The following ABI3BP variants were observed in gnomAD, a reference collection of about 807,000 sequenced individuals.
The protein encoded by ABI3BP is ABI family member 3 binding protein.
A neutral mutation model predicts 268.6 loss-of-function variants in ABI3BP; 216 were observed. The ratio of observed to expected loss-of-function variants is 0.80; its 90% CI spans 0.72 to 0.90. The LOEUF (loss-of-function observed/expected upper bound fraction) is 0.90, where lower values mean the gene tolerates loss of function less well. ABI3BP is among the 40% of genes least tolerant of loss of function. ABI3BP has a pLI of 0.00. For missense variants in ABI3BP, 2,090 were observed against 2,182.4 expected, an observed-to-expected ratio of 0.96 and a Z score of 0.84; for synonymous variants, 730 against 730.0, an observed-to-expected ratio of 1.00 and a Z score of 0.00.
chr3:100,927,323 G>A (rs879204821), intron 1 of ABI3BP, among the ~76,000 whole-genome samples: 1 of 152,060 alleles, frequency 6.6e-6, no homozygotes, highest in Non-Finnish European at 1.5e-5. Context: ...AAGGAACCAG[G>A]TTCAAACCCC....
intron 2 of ABI3BP, among the ~76,000 whole-genome samples, chr3:100,922,550 T>TGGTGAC (rs2060577088): frequency 6.6e-6 from 1 of 151,292 alleles, no homozygotes; most frequent in Non-Finnish European, 1.5e-5. Flanking sequence ...GTGATGGTGA[T>TGGTGAC]GGTGATGGCG....
chr3:100,813,590 AT>A (rs1234405747), intron 45 of ABI3BP, 70 bp downstream of exon 45: 2 of 1,184,980 alleles, frequency 1.7e-6, no homozygotes, highest in Non-Finnish European at 1.2e-6. Flanking sequence ...CTTTGGAAAT[AT>A]AACTTAGAGA....
chr3:100,930,126 C>T (rs2063135912), intron 1 of ABI3BP, among the ~76,000 whole-genome samples: 1 of 151,830 alleles, frequency 6.6e-6, no homozygotes, highest in Non-Finnish European at 1.5e-5. Context: ...CTGGTGAGTG[C>T]CTTAAGGTAG....
rs369371719 is a variant in ABI3BP, at chr3:100,765,843, C to T, written c.4848G>A (p.Thr1616=). The T allele has an allele frequency of 2.5e-5, 40 of 1,602,528 alleles. No individual in the cohort carries two copies. The African/African-American group carries it at 3.5e-4, about 14-fold the overall frequency. The change falls in exon 63 of 68, where the codon ACG becomes ACA. Residue 1616 remains threonine, a splice_region_variant and synonymous_variant. Transcript: ENST00000471714. The stretch of plus-strand genomic sequence containing the variant: ...CTGGAATAGCACTGGTGGCTTACCT[C>T]GTGTTTGGTTTCAGATTTTCTACTG... ...FSTVENLKPN[T]SYEFQVKPKN...
intron 57 of ABI3BP, among the ~76,000 whole-genome samples, chr3:100,785,417 C>T (rs2097002897): frequency 6.6e-6 from 1 of 152,130 alleles, no homozygotes; most frequent in Non-Finnish European, 1.5e-5. Flanking sequence ...AAGTCTACAA[C>T]CGGGAGAGGA....
chr3:100,887,035 G>C (rs1183026839), intron 4 of ABI3BP, among the ~76,000 whole-genome samples: 1 of 151,780 alleles, frequency 6.6e-6, no homozygotes, highest in Non-Finnish European at 1.5e-5. Flanking sequence ...TGGTTTAATT[G>C]TCATGAAAAC....
intron 1 of ABI3BP, among the ~76,000 whole-genome samples, chr3:100,959,359 G>A (rs1000737291): frequency 2.0e-5 from 3 of 151,012 alleles, no homozygotes; most frequent in South Asian, 2.1e-4. Flanking sequence ...GCGTGGTAGC[G>A]GGCGCCTGTA....
intron 4 of ABI3BP, among the ~76,000 whole-genome samples, chr3:100,895,230 C>T (rs58186174): frequency 0.011 from 1,739 of 152,108 alleles, 30 homozygotes; most frequent in African/African-American, 0.039. Context: ...TACACTCTTC[C>T]ATTCAAAGCC....
intron 51 of ABI3BP, among the ~76,000 whole-genome samples, chr3:100,796,679 AAGTC>A: frequency 1.3e-5 from 2 of 152,244 alleles, no homozygotes; most frequent in Admixed American, 1.3e-4. Context: ...AACAGAAACG[AAGTC>A]AGTCACAGTT....
chr3:100,852,920 C>T (rs879820444), intron 14 of ABI3BP, among the ~76,000 whole-genome samples: 22 of 152,114 alleles, frequency 1.4e-4, no homozygotes, highest in African/African-American at 4.8e-4. Flanking sequence ...ACTGTGGTCA[C>T]GAGGGATATA....
At chr3:100,808,085 C>A (rs749539381) in intron 50 of ABI3BP, 76 bp downstream of exon 50, 1 of 1,273,276 alleles carries the variant, frequency 7.9e-7, no homozygotes, top group Non-Finnish European at 1.1e-6. Flanking sequence ...GCTATCATAA[C>A]TATTAATGAA....
Position 100,811,016 on chromosome 3 carries a change from G to T in ABI3BP, c.3541+214C>A, listed in dbSNP as rs1015022089. Among the ~76,000 whole-genome samples, 5 of 152,202 alleles carry T rather than the reference G, an allele frequency of 3.3e-5. No homozygotes were observed. In the South Asian group the frequency reaches 6.2e-4, roughly 19 times the overall value. ...TTCAACAGTTCTGCTGACTTATGAA[G>T]AGAAAAAAAGCAAAGTCTTGTTACA... On this transcript the variant is annotated intron_variant, in intron 48 of 67. Transcript: ENST00000471714.
intron 6 of ABI3BP, among the ~76,000 whole-genome samples, chr3:100,882,688 T>C (rs2039977437): frequency 6.6e-6 from 1 of 151,892 alleles, no homozygotes; most frequent in Non-Finnish European, 1.5e-5. Flanking sequence ...CTGCTTATAT[T>C]GAGGGGGAAA....
At chr3:100,754,783 C>T (rs2095527997) in intron 63 of ABI3BP, 92 bp from the exon 64 acceptor site, 5 of 1,015,654 alleles carry the variant, frequency 4.9e-6, no homozygotes, top group Non-Finnish European at 7.5e-6. Flanking sequence ...ACTATACTGA[C>T]ATCCCTTTGA....
At chr3:100,917,875 A>T (rs1264513048) in intron 2 of ABI3BP, among the ~76,000 whole-genome samples, 1 of 152,206 alleles carries the variant, frequency 6.6e-6, no homozygotes, top group Non-Finnish European at 1.5e-5. Context: ...TTACCAAAAC[A>T]TGATGAAATG....
intron 1 of ABI3BP, among the ~76,000 whole-genome samples, chr3:100,984,810 T>C (rs762836382): frequency 7.9e-5 from 12 of 152,172 alleles, no homozygotes; most frequent in Admixed American, 2.0e-4. Flanking sequence ...ATGTGCCTCC[T>C]GCACTTTCGG....
At chr3:100,862,260 A>G in intron 14 of ABI3BP, 51 bp downstream of exon 14, 3 of 1,196,156 alleles carry the variant, frequency 2.5e-6, no homozygotes, top group Non-Finnish European at 3.6e-6. Context: ...ACAATAAGTT[A>G]CTCAATATTC....
intron 1 of ABI3BP, among the ~76,000 whole-genome samples, chr3:100,941,268 A>G (rs982975446): frequency 6.6e-6 from 1 of 151,976 alleles, no homozygotes; most frequent in African/African-American, 2.4e-5. Flanking sequence ...GCTGGAAGAC[A>G]TGCTCCCACA....
intron 63 of ABI3BP, 97 bp downstream of exon 63, chr3:100,765,744 C>G: frequency 1.0e-6 from 1 of 953,088 alleles, no homozygotes; most frequent in Non-Finnish European, 1.6e-6. Context: ...GCTAGAGCCA[C>G]CCTCAAGACA....
Sources: gnomAD v4.1 joint callset for allele counts (sites outside exome capture counted in the v4.1 genomes callset) on GRCh38, gnomAD v4.1.1 for gene constraint, MANE v1.5 for transcripts, NCBI Gene and HGNC (gene_info 2026-07-23, HGNC 2026-07-21) for gene names.